Variants in VWA2 observed in about 807,000 individuals in gnomAD.
VWA2 encodes the protein von Willebrand factor A domain-containing protein 2.
A neutral mutation model predicts 70.4 loss-of-function variants in VWA2; 73 were observed. The observed-to-expected ratio is 1.04, with a 90% CI of 0.86 to 1.26. VWA2 has a LOEUF of 1.26. VWA2 is among the 50% of genes most tolerant of loss of function. The pLI, the probability that VWA2 is intolerant of heterozygous loss-of-function variation, is 0.00. For missense variants in VWA2, 1,011 were observed against 998.5 expected (o/e 1.01, Z -0.17); for synonymous variants, 407 against 423.3 (o/e 0.96, Z 0.47).
intron 4 of VWA2, among the ~76,000 whole-genome samples, chr10:114,259,474 T>G (rs928041655): frequency 6.7e-6 from 1 of 149,586 alleles, no homozygotes; most frequent in African/African-American, 2.4e-5. Flanking sequence ...CAGAAGTTGT[T>G]TTTTTTTTTT....
At chr10:114,287,923 C>A (rs2039109751) in intron 11 of VWA2, among the ~76,000 whole-genome samples, 1 of 152,154 alleles carries the variant, frequency 6.6e-6, no homozygotes, top group Non-Finnish European at 1.5e-5. Flanking sequence ...CCATCCAGGA[C>A]CCCACAGTAC....
chr10:114,289,609 G>T (rs2039351266), intron 12 of VWA2, 120 bp downstream of exon 12: 1 of 1,171,836 alleles, frequency 8.5e-7, no homozygotes. Context: ...TGCTTCCCAA[G>T]TGCCAGGTTC....
At chr10:114,244,817 G>T (rs1387281732) in intron 1 of VWA2, among the ~76,000 whole-genome samples, 1 of 152,238 alleles carries the variant, frequency 6.6e-6, no homozygotes, top group Non-Finnish European at 1.5e-5. Flanking sequence ...AAAAAAGAAT[G>T]CAGTGAACAC....
chr10:114,242,216 C>T (rs2036984816), intron 1 of VWA2, among the ~76,000 whole-genome samples: 1 of 152,138 alleles, frequency 6.6e-6, no homozygotes, highest in Non-Finnish European at 1.5e-5. Context: ...TTTGCCCTTG[C>T]CCCGGGAGCC....
At chr10:114,288,412 C>T (rs543582169) in intron 11 of VWA2, among the ~76,000 whole-genome samples, 2 of 152,348 alleles carry the variant, frequency 1.3e-5, no homozygotes, top group East Asian at 1.9e-4. Context: ...AATTAGTGCC[C>T]TGCATACTGG....
At chr10:114,276,463 C>T (rs1341308191) in intron 6 of VWA2, among the ~76,000 whole-genome samples, 3 of 152,174 alleles carry the variant, frequency 2.0e-5, no homozygotes, top group Non-Finnish European at 2.9e-5. Flanking sequence ...TGAAACTCTA[C>T]AAGCAATAAA....
Position 114,243,669 on chromosome 10 carries a change from TC to T in VWA2, c.-11+4102del, listed in dbSNP as rs562701362. 2.3e-3 allele frequency among the ~76,000 whole-genome samples: 358 copies of T among 152,348 alleles called. 1 individual carries two copies. The highest frequency in any genetic ancestry group is 8.2e-3 in the African/African-American group (342 of 41,582). On this transcript the variant is annotated intron_variant, in intron 1 of 13. Transcript: ENST00000392982. ...TCTTTTTCCCTACACTCATTTCATT[TC>T]CGATGGTAGAGAAGGCAGACATTAT...
At chr10:114,259,821 C>T (rs2037405941) in intron 4 of VWA2, among the ~76,000 whole-genome samples, 1 of 152,180 alleles carries the variant, frequency 6.6e-6, no homozygotes, top group Non-Finnish European at 1.5e-5. Flanking sequence ...GGTCCGTCTT[C>T]CTGTGTCCGT....
intron 2 of VWA2, among the ~76,000 whole-genome samples, chr10:114,250,045 T>TC (rs1256451728): frequency 5.9e-5 from 9 of 151,988 alleles, no homozygotes; most frequent in Admixed American, 4.6e-4. Flanking sequence ...GGCAAACTCC[T>TC]CCCCATCCTT....
At chr10:114,239,768 G>A (rs541280489) in intron 1 of VWA2, among the ~76,000 whole-genome samples, 199 bp downstream of exon 1, 2 of 152,198 alleles carry the variant, frequency 1.3e-5, no homozygotes, top group African/African-American at 4.8e-5. Context: ...TTCCTGGCAC[G>A]GCGGCGTCGG....
chr10:114,243,712 C>T (rs1215705408), intron 1 of VWA2, among the ~76,000 whole-genome samples: 2 of 152,240 alleles, frequency 1.3e-5, no homozygotes, highest in African/African-American at 4.8e-5. Context: ...AAACTGCCTT[C>T]AGCGATCCCC....
At position 114,272,876 on chromosome 10, in the gene VWA2, T is replaced by C. The variant is rs141526308; in HGVS notation, c.508T>C (p.Ser170Pro). The C allele has an allele frequency of 5.4e-5, 87 of 1,613,738 alleles. No homozygotes were observed. In the African/African-American group the frequency reaches 9.6e-4, roughly 18 times the overall value. Residue 170 changes from serine (S) to proline (P), a missense_variant, in exon 6 of 14, where the codon TCC becomes CCC. Ser to Pro is a moderately conservative substitution (Grantham distance 74). Transcript: ENST00000392982. ...GKSQGDVALP[S>P]KQLKERGVTV... ...GTCCCAGGGGGATGTGGCACTGCCA[T>C]CCAAGCAGCTGAAGGAAAGGGGTGT...
At chr10:114,277,311 G>A (rs775966111) in intron 6 of VWA2, among the ~76,000 whole-genome samples, 4 of 149,620 alleles carry the variant, frequency 2.7e-5, no homozygotes, top group Non-Finnish European at 5.9e-5. Flanking sequence ...AGCCTCCCAA[G>A]TAGCTGGAAC....
rs766632557 is a variant in VWA2, at chr10:114,286,159, G to C, written c.1218G>C (p.Leu406=). 1.9e-5 allele frequency: 30 copies of C among 1,614,000 alleles called. No individual in the cohort carries two copies. Among genetic ancestry groups the C allele is most frequent in the Non-Finnish European group, 2.5e-5 (30 of 1,180,040 alleles). The change falls in exon 11 of 14, where the codon CTG becomes CTC. Residue 406 remains leucine (L), a synonymous_variant. Coordinates refer to ENST00000392982, the MANE Select transcript of VWA2 (RefSeq NM_001272046.2). Reference sequence around the variant, plus strand: ...GGGAGTACCAGGATGTGCCTGACCTGGTCTGGAGCCTCGATGGCATTCCCT... The same window carrying C: ...GGGAGTACCAGGATGTGCCTGACCTCGTCTGGAGCCTCGATGGCATTCCCT... ...PVGEYQDVPD[L]VWSLDGIPFR... is the part of the protein sequence containing the mutation.
In VWA2 at chr10:114,286,160, G is replaced by T. The variant is rs1369929034; in HGVS notation, c.1219G>T (p.Val407Phe). Residue 407 changes from valine (V) to phenylalanine (F), a missense_variant, in exon 11 of 14, where the codon GTC becomes TTC. Coordinates refer to ENST00000392982, the MANE Select transcript of VWA2 (RefSeq NM_001272046.2). ...GGAGTACCAGGATGTGCCTGACCTGGTCTGGAGCCTCGATGGCATTCCCTT... is the reference window on the plus strand; with the variant it reads ...GGAGTACCAGGATGTGCCTGACCTGTTCTGGAGCCTCGATGGCATTCCCTT... ...VGEYQDVPDLVWSLDGIPFRG... is the reference protein window; with the variant it reads ...VGEYQDVPDLFWSLDGIPFRG... The T allele has an allele frequency of 1.9e-6, 3 of 1,613,992 alleles. No homozygotes were observed. The highest frequency in any genetic ancestry group is 2.5e-6 in the Non-Finnish European group (3 of 1,180,032).
intron 9 of VWA2, among the ~76,000 whole-genome samples, chr10:114,283,514 G>GT (rs909710067): frequency 2.6e-5 from 4 of 152,234 alleles, no homozygotes; most frequent in Non-Finnish European, 5.9e-5. Flanking sequence ...GAGTGGAGCT[G>GT]TTTCTGCTCA....
Position 114,289,387 on chromosome 10 carries a change from G to C in VWA2, c.2020G>C (p.Gly674Arg), listed in dbSNP as rs751793576. 4 of 1,608,570 alleles carry C rather than the reference G, an allele frequency of 2.5e-6. No homozygotes were observed. Among genetic ancestry groups the C allele is most frequent in the Admixed American group, 1.7e-5 (1 of 59,916 alleles). ...VVGVGPVLSE[G>R]LRRLAGPRDS... Reference sequence around the variant, plus strand: ...GGGCGTGGGGCCTGTCCTAAGTGAGGGTCTGCGGAGGCTTGCAGGTCCCCG... The same window carrying C: ...GGGCGTGGGGCCTGTCCTAAGTGAGCGTCTGCGGAGGCTTGCAGGTCCCCG... Residue 674 changes from glycine to arginine, a missense_variant, in exon 12 of 14, where the codon GGT becomes CGT. Transcript: ENST00000392982.
In VWA2 at chr10:114,254,961, G is replaced by C; in HGVS notation, c.174G>C (p.Gly58=). Residue 58 remains glycine (G), a synonymous_variant, in exon 4 of 14, where the codon GGG becomes GGC. Coordinates refer to ENST00000392982, the MANE Select transcript of VWA2 (RefSeq NM_001272046.2). ...TGGACATCATGTTTCTGTTAGATGG[G>C]TCTAACAGCGTCGGGAAAGGGAGCT... ...AAVDIMFLLD[G]SNSVGKGSFE... 6.2e-7 allele frequency: 1 copy of C among 1,613,368 alleles called. No homozygotes were observed. Among genetic ancestry groups the C allele is most frequent in the Non-Finnish European group, 8.5e-7 (1 of 1,179,906 alleles).
In VWA2 at chr10:114,261,077, G is replaced by A. The variant is rs2037434719; in HGVS notation, c.262-109G>A. ...GGAGAAAGCTCTGGCACTGGTGTTT[G>A]TTGAGTGGATGGGAGGCAGGGTTGT... On this transcript the variant is annotated intron_variant, in intron 4 of 13. Transcript: ENST00000392982. The A allele has an allele frequency of 5.5e-6, 4 of 731,594 alleles. No individual in the cohort carries two copies. In the South Asian group the frequency reaches 7.2e-5, roughly 13 times the overall value. The allele number at this position is 731,594 out of a possible 1,614,324, so 45.3% of individuals were successfully genotyped here.
Sources: gnomAD v4.1 joint callset for allele counts (sites outside exome capture counted in the v4.1 genomes callset) on GRCh38, gnomAD v4.1.1 for gene constraint, MANE v1.5 for transcripts, NCBI Gene and HGNC (gene_info 2026-07-23, HGNC 2026-07-21) for gene names.